ABCC12: variants seen among roughly 807,000 people sequenced by gnomAD.
ABCC12 encodes the protein ATP-binding cassette sub-family C member 12.
In ABCC12, 142 loss-of-function variants were observed where a neutral mutation model predicts 151.1. The ratio of observed to expected loss-of-function variants is 0.94; its 90% CI spans 0.82 to 1.08. The LOEUF (loss-of-function observed/expected upper bound fraction) is 1.08, where lower values mean the gene tolerates loss of function less well. ABCC12 is among the 50% of genes least tolerant of loss of function. The pLI is 0.00. For missense variants in ABCC12, 1,638 were observed against 1,691.1 expected, an observed-to-expected ratio of 0.97 and a Z score of 0.55; for synonymous variants, 645 against 646.4, an observed-to-expected ratio of 1.00 and a Z score of 0.03.
At chr16:48,106,606 G>T (rs1256031668) in intron 20 of ABCC12, among the ~76,000 whole-genome samples, 1 of 152,198 alleles carries the variant, frequency 6.6e-6, no homozygotes, top group Non-Finnish European at 1.5e-5. Flanking sequence ...CCACCCAGCA[G>T]CCTCTCCCCT....
At chr16:48,151,113 A>G (rs528627682) in intron 2 of ABCC12, among the ~76,000 whole-genome samples, 7 of 152,304 alleles carry the variant, frequency 4.6e-5, no homozygotes, top group African/African-American at 1.2e-4. Flanking sequence ...TTTGCAGTGG[A>G]GAAGCCTGGC....
chr16:48,089,972 TAAATC>T (rs1962810510), intron 25 of ABCC12, among the ~76,000 whole-genome samples: 1 of 152,180 alleles, frequency 6.6e-6, no homozygotes, highest in East Asian at 1.9e-4. Flanking sequence ...GGTTTGTTGT[TAAATC>T]AGATCATTGA....
Position 48,144,038 on chromosome 16 carries a change from G to A in ABCC12, c.147C>T (p.Ala49=), listed in dbSNP as rs758907694. 5.0e-5 allele frequency: 81 copies of A among 1,613,912 alleles called. 1 individual carries two copies. Among genetic ancestry groups the A allele is most frequent in the East Asian group, 3.1e-4 (14 of 44,872 alleles). Residue 49 remains alanine, a synonymous_variant, in exon 4 of 31, where the codon GCC becomes GCT. Transcript: ENST00000311303. ...ARLAPNPVDD[A]GLLSFATFSW... Reference sequence around the variant, plus strand: ...AAAATGTGGCGAAGGAGAGTAGCCCGGCATCATCCACCGGGTTGGGTGCTA... The same window carrying A: ...AAAATGTGGCGAAGGAGAGTAGCCCAGCATCATCCACCGGGTTGGGTGCTA...
chr16:48,090,401 C>CTTTTTTTTTTTT (rs1011013161), intron 25 of ABCC12, among the ~76,000 whole-genome samples: 1 of 118,934 alleles, frequency 8.4e-6, no homozygotes, highest in Non-Finnish European at 1.8e-5. Context: ...CAAATTTGAA[C>CTTTTTTTTTTTT]TTTTTTTTTT....
chr16:48,149,244 C>CAAAA (rs1175912271), intron 2 of ABCC12, among the ~76,000 whole-genome samples: 5 of 65,008 alleles, frequency 7.7e-5, no homozygotes, highest in Non-Finnish European at 1.0e-4. Flanking sequence ...GTAGATTAAC[C>CAAAA]AAAAAAAAAA....
chr16:48,137,220 T>C (rs144366254), intron 8 of ABCC12, among the ~76,000 whole-genome samples: 2 of 152,264 alleles, frequency 1.3e-5, no homozygotes, highest in East Asian at 1.9e-4. Flanking sequence ...ACTCTGAAGG[T>C]AGAGCCAACA....
chr16:48,147,145 C>T (rs1056709114), intron 2 of ABCC12, among the ~76,000 whole-genome samples: 1 of 152,160 alleles, frequency 6.6e-6, no homozygotes, highest in Non-Finnish European at 1.5e-5. Context: ...GTGACTGCTG[C>T]CCCAAATGAA....
intron 28 of ABCC12, chr16:48,086,119 C>T (rs1962587492): frequency 5.6e-6 from 1 of 180,118 alleles, no homozygotes; most frequent in Admixed American, 5.5e-5. Context: ...CCAAAGTGGC[C>T]TTGGAAGATG....
At chr16:48,145,362 T>C (rs1273648225) in intron 3 of ABCC12, among the ~76,000 whole-genome samples, 1 of 152,188 alleles carries the variant, frequency 6.6e-6, no homozygotes, top group Non-Finnish European at 1.5e-5. Flanking sequence ...TAATAATATA[T>C]ATAATAATAC....
intron 2 of ABCC12, among the ~76,000 whole-genome samples, chr16:48,152,278 C>T (rs1965126723): frequency 6.6e-6 from 1 of 152,196 alleles, no homozygotes; most frequent in African/African-American, 2.4e-5. Flanking sequence ...TAAAAATTGG[C>T]CTCTCATTCT....
intron 2 of ABCC12, among the ~76,000 whole-genome samples, chr16:48,150,185 C>T (rs1005750332): frequency 1.1e-4 from 16 of 152,134 alleles, no homozygotes; most frequent in Non-Finnish European, 2.2e-4. Flanking sequence ...TCCTCCCTGC[C>T]CCTGCTAGCC....
chr16:48,087,199 C>T, intron 27 of ABCC12: 1 of 201,516 alleles, frequency 5.0e-6, no homozygotes, highest in South Asian at 1.1e-4. Flanking sequence ...CCCAAATCTG[C>T]CACTCCATGT....
At chr16:48,115,387 A>C (rs1471792260) in intron 15 of ABCC12, 28 bp downstream of exon 15, 1 of 1,607,978 alleles carries the variant, frequency 6.2e-7, no homozygotes, top group Non-Finnish European at 8.5e-7. Context: ...CCATCCCGTG[A>C]CCTCCTGGAT....
intron 23 of ABCC12, among the ~76,000 whole-genome samples, chr16:48,097,637 G>A (rs149441889): frequency 6.6e-6 from 1 of 152,272 alleles, no homozygotes; most frequent in Non-Finnish European, 1.5e-5. Flanking sequence ...CCAGATGTAT[G>A]CAAGGTGGAT....
chr16:48,114,646 C>G (rs1451571283), intron 15 of ABCC12, among the ~76,000 whole-genome samples: 2 of 152,184 alleles, frequency 1.3e-5, no homozygotes, highest in African/African-American at 2.4e-5. Flanking sequence ...GCACTGCCCC[C>G]CCTTCCCCCA....
At chr16:48,127,999 G>C (rs966902453) in intron 11 of ABCC12, among the ~76,000 whole-genome samples, 2 of 152,086 alleles carry the variant, frequency 1.3e-5, no homozygotes, top group Admixed American at 1.3e-4. Context: ...TATGCTTGTA[G>C]TACCAGCTAC....
intron 12 of ABCC12, 124 bp from the exon 13 acceptor site, chr16:48,121,964 C>T (rs2150637746): frequency 2.1e-6 from 3 of 1,408,706 alleles, no homozygotes; most frequent in East Asian, 2.3e-5. Context: ...AAAGCGTTGA[C>T]AGGACATCTT....
chr16:48,145,605 G>T (rs968408729), intron 3 of ABCC12, among the ~76,000 whole-genome samples: 7 of 152,180 alleles, frequency 4.6e-5, no homozygotes, highest in Non-Finnish European at 1.0e-4. Flanking sequence ...TGTGCCAGTT[G>T]CAAACCTGAA....
At chr16:48,114,181 C>G (rs974164947) in intron 15 of ABCC12, among the ~76,000 whole-genome samples, 4 of 152,186 alleles carry the variant, frequency 2.6e-5, no homozygotes, top group African/African-American at 9.7e-5. Flanking sequence ...TCCAGACAAT[C>G]CCCATGCGCA....
Sources: allele counts gnomAD v4.1 joint callset (sites outside exome capture counted in the v4.1 genomes callset), GRCh38; gene constraint gnomAD v4.1.1; transcripts MANE v1.5; gene names NCBI Gene and HGNC (gene_info 2026-07-23, HGNC 2026-07-21).